The following CERS6 variants were observed in gnomAD, a reference collection of about 807,000 sequenced individuals.
CERS6 encodes LAG1 homolog, ceramide synthase 6.
A neutral mutation model predicts 56.8 loss-of-function variants in CERS6; 26 were observed. The observed-to-expected ratio is 0.46, with a 90% CI of 0.34 to 0.63. The LOEUF is 0.63. Among genes scored for constraint, CERS6 ranks in the 30% least tolerant of loss-of-function variants. CERS6 has a pLI of 0.01. For synonymous variants in CERS6, 164 were observed against 173.3 expected (o/e 0.95, Z 0.42); for missense variants, 415 against 467.5 (o/e 0.89, Z 1.04).
At chr2:168,741,758 A>G (rs781334494) in intron 8 of CERS6, among the ~76,000 whole-genome samples, 7 of 152,200 alleles carry the variant, frequency 4.6e-5, no homozygotes, top group Non-Finnish European at 7.4e-5. Context: ...TGCTGTAAAG[A>G]TGTGTTGCTA....
At chr2:168,600,033 T>C (rs1435221117) in intron 3 of CERS6, among the ~76,000 whole-genome samples, 2 of 152,176 alleles carry the variant, frequency 1.3e-5, no homozygotes, top group Non-Finnish European at 2.9e-5. Flanking sequence ...TGGGTTGTTA[T>C]AGCAGCATTT....
intron 1 of CERS6, among the ~76,000 whole-genome samples, chr2:168,464,174 T>TGTG (rs1573999569): frequency 0.014 from 1,949 of 139,770 alleles, 16 homozygotes; most frequent in South Asian, 0.033. Context: ...TTTATACTTT[T>TGTG]TGTGTGTGTG....
intron 4 of CERS6, among the ~76,000 whole-genome samples, chr2:168,644,822 G>C (rs181454270): frequency 6.6e-6 from 1 of 151,714 alleles, no homozygotes; most frequent in Non-Finnish European, 1.5e-5. Context: ...GGCTGGGCGC[G>C]GTGGCTCATG....
rs560156256 is a variant in CERS6 at position 168,761,172 on chromosome 2, G to A, written c.846-4420G>A. 2.4e-3 allele frequency among the ~76,000 whole-genome samples: 367 copies of A among 152,140 alleles called. 4 individuals carry two copies. The highest frequency in any genetic ancestry group is 2.4e-3 in the Non-Finnish European group (166 of 68,008). ...TCACTGAGAGATATATCCGTTTGGT[G>A]CACTGATTGTATTTTCTCAAGTGTC... On this transcript the variant is annotated intron_variant, in intron 8 of 9. Transcript: ENST00000305747.
At chr2:168,657,740 G>A (rs933092332) in intron 4 of CERS6, among the ~76,000 whole-genome samples, 4 of 152,214 alleles carry the variant, frequency 2.6e-5, no homozygotes, top group African/African-American at 9.6e-5. Flanking sequence ...CGAGTGCGGG[G>A]CCCACCAAGC....
At chr2:168,480,215 C>G (rs911119494) in intron 1 of CERS6, among the ~76,000 whole-genome samples, 6 of 152,180 alleles carry the variant, frequency 3.9e-5, no homozygotes, top group African/African-American at 1.4e-4. Context: ...AGTTGTTCAT[C>G]TAGATATGCC....
At chr2:168,679,923 CT>C (rs1393600087) in intron 4 of CERS6, among the ~76,000 whole-genome samples, 1 of 152,160 alleles carries the variant, frequency 6.6e-6, no homozygotes, top group Non-Finnish European at 1.5e-5. Flanking sequence ...GCTTAGAAGT[CT>C]TTTTAAACGT....
chr2:168,464,022 C>A (rs1693823641), intron 1 of CERS6, among the ~76,000 whole-genome samples: 1 of 152,056 alleles, frequency 6.6e-6, no homozygotes, highest in Non-Finnish European at 1.5e-5. Flanking sequence ...ATTTAATTTT[C>A]TGTGAATTCA....
At chr2:168,765,886 C>A (rs1339388965) in intron 9 of CERS6, 138 bp downstream of exon 9, 4 of 738,066 alleles carry the variant, frequency 5.4e-6, no homozygotes, top group Non-Finnish European at 8.6e-6. Context: ...TGAGTCATTT[C>A]CTTTTCTAGT....
intron 3 of CERS6, among the ~76,000 whole-genome samples, chr2:168,567,691 A>G (rs577958054): frequency 6.6e-6 from 1 of 152,256 alleles, no homozygotes; most frequent in African/African-American, 2.4e-5. Context: ...CAGAGTTTCA[A>G]GGAAGAGAAT....
intron 3 of CERS6, among the ~76,000 whole-genome samples, chr2:168,562,979 A>G (rs569166581): frequency 6.6e-6 from 1 of 152,308 alleles, no homozygotes; most frequent in African/African-American, 2.4e-5. Flanking sequence ...ACATGTCTAC[A>G]TGCTGAAAGT....
chr2:168,682,056 T>C (rs1686231209), intron 4 of CERS6, among the ~76,000 whole-genome samples: 1 of 152,236 alleles, frequency 6.6e-6, no homozygotes, highest in African/African-American at 2.4e-5. Flanking sequence ...ATCTTGGCTA[T>C]TGTGAATAGT....
At chr2:168,615,375 A>G (rs2105277871) in intron 3 of CERS6, among the ~76,000 whole-genome samples, 1 of 152,272 alleles carries the variant, frequency 6.6e-6, no homozygotes, top group South Asian at 2.1e-4. Flanking sequence ...GAAATCCCTG[A>G]TTGACCTGAA....
intron 8 of CERS6, among the ~76,000 whole-genome samples, chr2:168,741,164 A>G (rs1283454357): frequency 6.6e-6 from 1 of 152,228 alleles, no homozygotes; most frequent in African/African-American, 2.4e-5. Flanking sequence ...TGAACGAATT[A>G]TCTACTCACT....
At chr2:168,722,841 C>G (rs1683219991) in intron 8 of CERS6, among the ~76,000 whole-genome samples, 1 of 152,146 alleles carries the variant, frequency 6.6e-6, no homozygotes, top group South Asian at 2.1e-4. Flanking sequence ...TGCAACCCTC[C>G]CACACACAGG....
intron 8 of CERS6, among the ~76,000 whole-genome samples, chr2:168,723,997 C>T (rs1683264922): frequency 3.9e-5 from 6 of 152,188 alleles, no homozygotes; most frequent in Admixed American, 3.9e-4. Context: ...GGTAGGAATT[C>T]CTTCCTAATG....
chr2:168,745,310 C>T (rs1331465024), intron 8 of CERS6, among the ~76,000 whole-genome samples: 6 of 151,642 alleles, frequency 4.0e-5, no homozygotes, highest in East Asian at 1.9e-4. Context: ...GGCACAGTCT[C>T]GGCTCACTGC....
At chr2:168,479,700 C>T (rs142342158) in intron 1 of CERS6, among the ~76,000 whole-genome samples, 1,993 of 152,256 alleles carry the variant, frequency 0.013, 149 homozygotes, top group Admixed American at 0.12. Context: ...CCTCCTCCTC[C>T]TGTGTTTAAG....
At chr2:168,658,279 AG>A (rs1321981115) in intron 4 of CERS6, among the ~76,000 whole-genome samples, 1 of 152,228 alleles carries the variant, frequency 6.6e-6, no homozygotes, top group Non-Finnish European at 1.5e-5. Context: ...TTTCTCTTTT[AG>A]GGTCCTTGAC....
Sources: gnomAD v4.1 joint callset for allele counts (sites outside exome capture counted in the v4.1 genomes callset) on GRCh38, gnomAD v4.1.1 for gene constraint, MANE v1.5 for transcripts, NCBI Gene and HGNC (gene_info 2026-07-23, HGNC 2026-07-21) for gene names.